HMGN5: variants seen among roughly 807,000 people sequenced by gnomAD.
HMGN5 encodes high mobility group nucleosome-binding domain-containing protein 5.
In HMGN5, 4 loss-of-function variants were observed where a neutral mutation model predicts 9.5. The ratio of observed to expected loss-of-function variants is 0.42; its 90% CI spans 0.21 to 0.96. The LOEUF (loss-of-function observed/expected upper bound fraction) is 0.96. Ranked by LOEUF, HMGN5 falls within the 40% of genes least tolerant of loss-of-function variation. HMGN5 has a pLI of 0.30. For missense variants in HMGN5, 192 were observed against 187.5 expected (o/e 1.02, Z -0.14); for synonymous variants, 55 against 57.1 (o/e 0.96, Z 0.16).
intron 1 of HMGN5, among the ~76,000 whole-genome samples, chrX:81,132,302 G>T (rs1220809737): frequency 9.0e-6 from 1 of 111,660 alleles, no homozygotes; most frequent in Non-Finnish European, 1.9e-5. Context: ...GCAATTTGTA[G>T]ATTCAATGCT....
chrX:81,199,552 C>G (rs1183300310), intron 1 of HMGN5, among the ~76,000 whole-genome samples: 1 of 111,614 alleles, frequency 9.0e-6, no homozygotes, highest in Non-Finnish European at 1.9e-5. Flanking sequence ...TGGAACAGAA[C>G]AGAGGTCTCA....
At chrX:81,140,047 A>C (rs2075323856) in intron 1 of HMGN5, among the ~76,000 whole-genome samples, 1 of 111,837 alleles carries the variant, frequency 8.9e-6, no homozygotes, top group African/African-American at 3.2e-5. Flanking sequence ...GCCCTCCCCT[A>C]ACCCCAGGCT....
chrX:81,160,195 C>A, intron 1 of HMGN5, among the ~76,000 whole-genome samples: 1 of 111,106 alleles, frequency 9.0e-6, no homozygotes, highest in East Asian at 2.8e-4. Context: ...TTGGGTGTTT[C>A]TTGATTCAGG....
At chrX:81,131,983 A>G in intron 1 of HMGN5, among the ~76,000 whole-genome samples, 1 of 111,841 alleles carries the variant, frequency 8.9e-6, no homozygotes. Flanking sequence ...TCAGCCAAAA[A>G]GCTACTTAAA....
intron 1 of HMGN5, among the ~76,000 whole-genome samples, chrX:81,189,847 G>A (rs1014719129): frequency 8.9e-6 from 1 of 112,202 alleles, no homozygotes; most frequent in East Asian, 2.8e-4. Context: ...ATTTCCACCA[G>A]CAATGAATGA....
chrX:81,124,923 A>G (rs769814691), intron 1 of HMGN5, among the ~76,000 whole-genome samples: 1 of 111,113 alleles, frequency 9.0e-6, no homozygotes, highest in Non-Finnish European at 1.9e-5. Flanking sequence ...GTAACCAGTT[A>G]AAAATGACAC....
chrX:81,148,062 G>T (rs1049890056), intron 1 of HMGN5, among the ~76,000 whole-genome samples: 8 of 111,887 alleles, frequency 7.2e-5, no homozygotes, highest in Non-Finnish European at 1.3e-4. Context: ...ACTGCCCAAA[G>T]TAATTTATAG....
chrX:81,152,375 C>A (rs2075365939), intron 1 of HMGN5, among the ~76,000 whole-genome samples: 1 of 111,597 alleles, frequency 9.0e-6, no homozygotes, highest in African/African-American at 3.3e-5. Context: ...ATTTATGCAG[C>A]CAAAAAACAC....
At chrX:81,129,352 T>C (rs952454380) in intron 1 of HMGN5, among the ~76,000 whole-genome samples, 2 of 111,295 alleles carry the variant, frequency 1.8e-5, no homozygotes, top group African/African-American at 6.5e-5. Context: ...TGAAATGGCT[T>C]TTTTTGATTT....
intron 1 of HMGN5, among the ~76,000 whole-genome samples, chrX:81,132,036 G>A (rs749419196): frequency 1.6e-4 from 18 of 111,442 alleles, no homozygotes; most frequent in Non-Finnish European, 3.4e-4. Flanking sequence ...CAAAATCAAT[G>A]TGCAAAAATC....
chrX:81,126,359 T>G (rs1289777075), intron 1 of HMGN5, among the ~76,000 whole-genome samples: 1 of 111,164 alleles, frequency 9.0e-6, no homozygotes, highest in Admixed American at 9.6e-5. Context: ...ATATATCTTT[T>G]TACTGATTCA....
At chrX:81,140,852 G>T (rs925025041) in intron 1 of HMGN5, among the ~76,000 whole-genome samples, 4 of 111,561 alleles carry the variant, frequency 3.6e-5, no homozygotes, top group African/African-American at 9.8e-5. Flanking sequence ...GCATCAAGCA[G>T]TCCCCTGGGA....
chrX:81,182,661 C>T (rs1244784925), intron 1 of HMGN5, among the ~76,000 whole-genome samples: 1 of 112,363 alleles, frequency 8.9e-6, no homozygotes, highest in African/African-American at 3.2e-5. Context: ...GAAGTAGATG[C>T]TGCTATGCTT....
chrX:81,126,050 C>A (rs139982046), intron 1 of HMGN5, among the ~76,000 whole-genome samples: 1,939 of 103,558 alleles, frequency 0.019, 42 homozygotes, highest in African/African-American at 0.065. Context: ...TGGGAGGCTG[C>A]GGCAGGAGAA....
chrX:81,146,483 G>A (rs2075344047), intron 1 of HMGN5, among the ~76,000 whole-genome samples: 1 of 111,562 alleles, frequency 9.0e-6, no homozygotes, highest in African/African-American at 3.3e-5. Context: ...GAATCTCTGG[G>A]ACACATTTAA....
chrX:81,116,088 AC>A (rs1008350249), intron 6 of HMGN5, 115 bp downstream of exon 6: 8 of 489,063 alleles, frequency 1.6e-5, no homozygotes, highest in Non-Finnish European at 2.7e-5. Flanking sequence ...ATACTATAGA[AC>A]CACTGCTCAC....
intron 1 of HMGN5, among the ~76,000 whole-genome samples, chrX:81,147,288 C>CT (rs2075347688): frequency 9.0e-6 from 1 of 111,532 alleles, no homozygotes; most frequent in South Asian, 3.7e-4. Context: ...TATCAAAAAG[C>CT]TTATCCACCA....
At chrX:81,126,119 G>T (rs187921042) in intron 1 of HMGN5, among the ~76,000 whole-genome samples, 1,704 of 88,719 alleles carry the variant, frequency 0.019, 15 homozygotes, top group Middle Eastern at 0.086. Context: ...CTGCACTCCA[G>T]CCTGGGTGAC....
chrX:81,178,913 G>T (rs2075451491), intron 1 of HMGN5, among the ~76,000 whole-genome samples: 1 of 111,192 alleles, frequency 9.0e-6, no homozygotes, highest in Non-Finnish European at 1.9e-5. Flanking sequence ...AAATCAATAA[G>T]CATAATCAAT....
Sources: allele counts gnomAD v4.1 joint callset (sites outside exome capture counted in the v4.1 genomes callset), GRCh38; gene constraint gnomAD v4.1.1; transcripts MANE v1.5; gene names NCBI Gene and HGNC (gene_info 2026-07-23, HGNC 2026-07-21).